The following CLIP4 variants were observed in gnomAD, a reference collection of about 807,000 sequenced individuals.
CLIP4 encodes CAP-Gly domain containing linker protein family member 4, also known as CAP-Gly domain-containing linker protein 4.
In CLIP4, 47 loss-of-function variants were observed where a neutral mutation model predicts 73.1. The observed-to-expected ratio is 0.64, with a 90% CI of 0.51 to 0.82. The LOEUF is 0.82. Among genes scored for constraint, CLIP4 ranks in the 40% least tolerant of loss-of-function variants. The pLI is 0.00. For missense variants in CLIP4, 874 were observed against 852.9 expected, an observed-to-expected ratio of 1.02 and a Z score of -0.31; for synonymous variants, 306 against 295.4, an observed-to-expected ratio of 1.04 and a Z score of -0.37.
chr2:29,160,498 A>C (rs1667216831), intron 12 of CLIP4, 31 bp downstream of exon 12: 6 of 1,607,834 alleles, frequency 3.7e-6, no homozygotes, highest in Non-Finnish European at 5.1e-6. Context: ...CTTAACTTGA[A>C]TTCTTTAGAG....
intron 8 of CLIP4, 32 bp downstream of exon 8, chr2:29,145,399 T>A (rs765079939): frequency 1.0e-5 from 16 of 1,531,802 alleles, no homozygotes; most frequent in African/African-American, 2.8e-5. Flanking sequence ...TCGGTAAGAA[T>A]TAATTAAAAA....
At chr2:29,162,995 G>C (rs112100110) in intron 12 of CLIP4, among the ~76,000 whole-genome samples, 4 of 151,950 alleles carry the variant, frequency 2.6e-5, no homozygotes, top group Non-Finnish European at 4.4e-5. Flanking sequence ...AATTACTACT[G>C]TACACTCCTT....
At chr2:29,145,705 G>A (rs1232866295) in intron 8 of CLIP4, among the ~76,000 whole-genome samples, 2 of 152,238 alleles carry the variant, frequency 1.3e-5, no homozygotes, top group South Asian at 2.1e-4. Flanking sequence ...TGTTTGAGAC[G>A]GAGTCTTGCT....
chr2:29,100,422 GCCC>G (rs780219900), intron 1 of CLIP4, among the ~76,000 whole-genome samples: 5 of 151,956 alleles, frequency 3.3e-5, no homozygotes, highest in Non-Finnish European at 5.9e-5. Context: ...ATCCCTATGT[GCCC>G]CCCAACAGTT....
rs560213700 is a variant in CLIP4, at chr2:29,155,151, A to T, written c.1166-1203A>T. On this transcript the variant is annotated intron_variant, in intron 9 of 15. Coordinates refer to ENST00000320081, the MANE Select transcript of CLIP4 (RefSeq NM_024692.6). ...ACCACACTCCAAGAATTAAGGGTGT[A>T]GCTGGGCATTGTGGTGCACACCTGT... Among the ~76,000 whole-genome samples the T allele has an allele frequency of 9.2e-5, 14 of 152,318 alleles. No homozygotes were observed. The South Asian group carries it at 2.3e-3, about 25-fold the overall frequency.
At chr2:29,178,545 C>T (rs1668473731) in intron 15 of CLIP4, among the ~76,000 whole-genome samples, 1 of 152,098 alleles carries the variant, frequency 6.6e-6, no homozygotes. Flanking sequence ...CAAAGCTTTC[C>T]CCTGTATATC....
Position 29,131,187 on chromosome 2 carries a change from ATTGT to A in CLIP4, c.134-68_134-65del, listed in dbSNP as rs1211842781. On this transcript the variant is annotated intron_variant, in intron 2 of 15. Coordinates refer to ENST00000320081, the MANE Select transcript of CLIP4 (RefSeq NM_024692.6). ...TTTGTATCATTTGAACCTTGGTTTT[ATTGT>A]TTATTATTTTCAATATATTTATTTG... The A allele has an allele frequency of 4.0e-6, 5 of 1,264,328 alleles. No individual in the cohort carries two copies. The Admixed American group carries it at 1.3e-4, about 32-fold the overall frequency. 78.3% of individuals were successfully genotyped at this position (1,264,328 alleles called of 1,614,324 possible).
intron 2 of CLIP4, among the ~76,000 whole-genome samples, chr2:29,122,826 C>CAAAAAAAAAAAA (rs11364909): frequency 3.2e-5 from 2 of 61,930 alleles, no homozygotes; most frequent in East Asian, 5.8e-4. Flanking sequence ...ACTTTGTCTC[C>CAAAAAAAAAAAA]AAAAAAAAAA....
chr2:29,126,766 C>G (rs571484091), intron 2 of CLIP4, among the ~76,000 whole-genome samples: 1 of 152,252 alleles, frequency 6.6e-6, no homozygotes, highest in Non-Finnish European at 1.5e-5. Context: ...CACAAAGGTT[C>G]CTTACATGAG....
intron 2 of CLIP4, among the ~76,000 whole-genome samples, chr2:29,125,265 A>G (rs1345670514): frequency 6.6e-6 from 1 of 152,136 alleles, no homozygotes; most frequent in Non-Finnish European, 1.5e-5. Flanking sequence ...TGCTGTGTGA[A>G]TTATGAGGAT....
intron 9 of CLIP4, among the ~76,000 whole-genome samples, chr2:29,155,881 G>T (rs560450746): frequency 6.6e-6 from 1 of 152,336 alleles, no homozygotes; most frequent in South Asian, 2.1e-4. Flanking sequence ...CTTTACAGAA[G>T]AGTTCTCAGT....
chr2:29,163,799 G>A, intron 12 of CLIP4, 32 bp from the exon 13 acceptor site: 1 of 1,599,832 alleles, frequency 6.3e-7, no homozygotes, highest in Non-Finnish European at 8.5e-7. Context: ...ATAAAGTACA[G>A]ATGCTTTTGA....
chr2:29,101,352 A>G (rs2148430578), intron 1 of CLIP4, among the ~76,000 whole-genome samples: 1 of 151,330 alleles, frequency 6.6e-6, no homozygotes, highest in East Asian at 1.9e-4. Context: ...TACAATCTTC[A>G]GTCTGTAGCT....
intron 1 of CLIP4, among the ~76,000 whole-genome samples, chr2:29,100,555 C>T (rs1420284505): frequency 4.6e-5 from 7 of 151,622 alleles, no homozygotes; most frequent in Non-Finnish European, 7.4e-5. Flanking sequence ...GTTCCCTACC[C>T]CCATGAAGTT....
chr2:29,110,670 A>G (rs1368729453), upstream of CLIP4, among the ~76,000 whole-genome samples: 1 of 151,954 alleles, frequency 6.6e-6, no homozygotes, highest in Admixed American at 6.6e-5. Flanking sequence ...AAATCAGGAA[A>G]ACAGAGATGA....
Position 29,174,354 on chromosome 2 carries a change from C to T in CLIP4, c.1724-19C>T, listed in dbSNP as rs1334161623. 6.3e-7 allele frequency: 1 copy of T among 1,597,024 alleles called. No individual in the cohort carries two copies. ...AAAGCTTATATTTTTCCTCTGCTAA[C>T]CCCAACTTTCATATTTAGGTTTTAG... On this transcript the variant is annotated intron_variant, in intron 14 of 15. Transcript: ENST00000320081.
intron 13 of CLIP4, among the ~76,000 whole-genome samples, chr2:29,166,573 A>C (rs1667635815): frequency 6.6e-6 from 1 of 151,520 alleles, no homozygotes; most frequent in African/African-American, 2.4e-5. Flanking sequence ...TGCTCAAGTA[A>C]TCTTCATTAG....
chr2:29,183,241 C>T lies in CLIP4; in HGVS notation c.*1348C>T, dbSNP rs530717484. ...CAGTTTGCTTTATAAGATTAAAAAGCATCCTTCAGAATGGAGCTTGCCTTG... is the reference window on the plus strand; with the variant it reads ...CAGTTTGCTTTATAAGATTAAAAAGTATCCTTCAGAATGGAGCTTGCCTTG... On this transcript the variant is annotated 3_prime_UTR_variant, in exon 16 of 16. Transcript: ENST00000320081. 1 of 152,772 alleles carries T rather than the reference C, an allele frequency of 6.5e-6. No individual in the cohort carries two copies. Among genetic ancestry groups the T allele is most frequent in the South Asian group, 2.1e-4 (1 of 4,830 alleles). 9.5% of individuals were successfully genotyped at this position (152,772 alleles called of 1,614,324 possible).
upstream of CLIP4, among the ~76,000 whole-genome samples, chr2:29,112,964 G>T (rs553821958): frequency 3.3e-5 from 5 of 152,186 alleles, no homozygotes; most frequent in Non-Finnish European, 5.9e-5. Flanking sequence ...TCCTGCTGCC[G>T]AGTGTCTGAA....
Sources: allele counts gnomAD v4.1 joint callset (sites outside exome capture counted in the v4.1 genomes callset), GRCh38; gene constraint gnomAD v4.1.1; transcripts MANE v1.5; gene names NCBI Gene and HGNC (gene_info 2026-07-23, HGNC 2026-07-21).